Variants in DSC2 observed in about 807,000 individuals in gnomAD.
DSC2 encodes the protein desmocollin-2.
In DSC2, 51 loss-of-function variants were observed where a neutral mutation model predicts 87.6. The ratio of observed to expected loss-of-function variants is 0.58; its 90% CI spans 0.46 to 0.74. The LOEUF (loss-of-function observed/expected upper bound fraction) is 0.74. Ranked by LOEUF, DSC2 falls within the 30% of genes least tolerant of loss-of-function variation. The pLI, the probability that DSC2 is intolerant of heterozygous loss-of-function variation, is 0.00. For synonymous variants in DSC2, 383 were observed against 393.2 expected, an observed-to-expected ratio of 0.97 and a Z score of 0.31; for missense variants, 1,066 against 1,089.5, an observed-to-expected ratio of 0.98 and a Z score of 0.30.
chr18:31,087,276 C>A (rs575705856), intron 6 of DSC2, among the ~76,000 whole-genome samples: 7 of 152,294 alleles, frequency 4.6e-5, no homozygotes, highest in South Asian at 4.1e-4. Context: ...AACATCCGTA[C>A]ATATCTTTAA....
chr18:31,070,628 T>C, intron 14 of DSC2, 98 bp downstream of exon 14: 1 of 1,554,660 alleles, frequency 6.4e-7, no homozygotes. Context: ...AATTGCCTGA[T>C]ACCAAAAGAA....
rs755276378 is a variant in DSC2 at position 31,068,972 on chromosome 18, C to T, written c.2430G>A (p.Arg810=). ...AGTTGTCCACCTCCGTGTGTCCTCC[C>T]CTGCAGGAGTCCAGGGTGTGATGGT... ...AGHHHTLDSC[R]GGHTEVDNCR... The change falls in exon 15 of 16, where the codon AGG becomes AGA. Residue 810 remains arginine (R), a synonymous_variant. Coordinates refer to ENST00000280904, the MANE Select transcript of DSC2 (RefSeq NM_024422.6). The T allele has an allele frequency of 1.7e-5, 27 of 1,613,930 alleles. No homozygotes were observed. The highest frequency in any genetic ancestry group is 2.0e-5 in the Non-Finnish European group (24 of 1,180,006).
chr18:31,095,540 G>T (rs1191154449), intron 1 of DSC2, among the ~76,000 whole-genome samples: 1 of 152,168 alleles, frequency 6.6e-6, no homozygotes. Flanking sequence ...TAAGAGTGGG[G>T]TAATGGTTAC....
intron 14 of DSC2, among the ~76,000 whole-genome samples, chr18:31,069,676 C>CT (rs1331580628): frequency 2.0e-5 from 3 of 149,842 alleles, no homozygotes; most frequent in African/African-American, 7.4e-5. Context: ...GATTGTGCCA[C>CT]TGCACTCCAG....
At chr18:31,084,833 TTGGA>T (rs1342382420) in intron 7 of DSC2, among the ~76,000 whole-genome samples, 2 of 152,082 alleles carry the variant, frequency 1.3e-5, no homozygotes, top group Non-Finnish European at 2.9e-5. Context: ...AATGAGAAGC[TTGGA>T]AAACCTTTAT....
rs138096019 is a variant in DSC2 at position 31,066,975 on chromosome 18, A to G, written c.*1040T>C. On this transcript the variant is annotated 3_prime_UTR_variant, in exon 16 of 16. Coordinates refer to ENST00000280904, the MANE Select transcript of DSC2 (RefSeq NM_024422.6). ...ATATCCACATCCCAATTCTAATTAC[A>G]CCATTCTTGTTGTTAACACAGAGCA... The G allele has an allele frequency of 4.9e-4, 75 of 152,238 alleles. No individual in the cohort carries two copies. Among genetic ancestry groups the G allele is most frequent in the African/African-American group, 1.7e-3 (71 of 41,578 alleles). 9.4% of individuals were successfully genotyped at this position (152,238 alleles called of 1,614,324 possible). A position where few individuals can be genotyped will look rare whatever the true frequency, so the allele number is the denominator to read the frequency against.
chr18:31,070,807 T>C lies in DSC2; in HGVS notation c.2169A>G (p.Lys723=). The C allele has an allele frequency of 6.2e-7, 1 of 1,613,966 alleles. No individual in the cohort carries two copies. The highest frequency in any genetic ancestry group is 8.5e-7 in the Non-Finnish European group (1 of 1,179,888). Residue 723 remains lysine (K), a synonymous_variant, in exon 14 of 16, where the codon AAA becomes AAG. Coordinates refer to ENST00000280904, the MANE Select transcript of DSC2 (RefSeq NM_024422.6). ...AATCATCAGGAATTACTTTTGGTTG[T>C]TTAGACGTCCCAGAAGCCCCACAGA... ...TLVCGASGTS[K]QPKVIPDDLA... is the part of the protein sequence containing the mutation.
At chr18:31,072,820 A>G (rs1986877703) in intron 12 of DSC2, among the ~76,000 whole-genome samples, 1 of 152,170 alleles carries the variant, frequency 6.6e-6, no homozygotes, top group South Asian at 2.1e-4. Flanking sequence ...TTGGGTAAAA[A>G]CACATTGAAT....
rs1022058383 is a variant in DSC2, at chr18:31,067,031, A to G, written c.*984T>C. 1.3e-5 allele frequency: 2 copies of G among 152,142 alleles called. No homozygotes were observed. The highest frequency in any genetic ancestry group is 2.9e-5 in the Non-Finnish European group (2 of 67,996). 9.4% of individuals were successfully genotyped at this position (152,142 alleles called of 1,614,324 possible). A position where few individuals can be genotyped will look rare whatever the true frequency, so the allele number is the denominator to read the frequency against. ...TCTAATAAAAGCATGGCATAGTTCTACAGTTTCAATGGCAAAATTAAAGGT... is the reference window on the plus strand; with the variant it reads ...TCTAATAAAAGCATGGCATAGTTCTGCAGTTTCAATGGCAAAATTAAAGGT... On this transcript the variant is annotated 3_prime_UTR_variant, in exon 16 of 16. Transcript: ENST00000280904.
rs530820479 is a variant in DSC2, at chr18:31,074,993, T to C, written c.1664-86A>G. 26 of 1,345,002 alleles carry C rather than the reference T, an allele frequency of 1.9e-5. No individual in the cohort carries two copies. In the Admixed American group the frequency reaches 4.5e-4, roughly 23 times the overall value. The allele number at this position is 1,345,002 out of a possible 1,614,324, so 83.3% of individuals were successfully genotyped here. A position where few individuals can be genotyped will look rare whatever the true frequency, so the allele number is the denominator to read the frequency against. On this transcript the variant is annotated intron_variant, in intron 11 of 15. Coordinates refer to ENST00000280904, the MANE Select transcript of DSC2 (RefSeq NM_024422.6). ...CACTGAACACATTGAAAAATATTTA[T>C]TAAGCACCTATAATGTAGAAGTTAC...
intron 11 of DSC2, among the ~76,000 whole-genome samples, chr18:31,078,613 A>T (rs1987098992): frequency 6.6e-6 from 1 of 152,086 alleles, no homozygotes; most frequent in African/African-American, 2.4e-5. Flanking sequence ...GCAAAAAGAC[A>T]TGAGAATCTG....
intron 4 of DSC2, among the ~76,000 whole-genome samples, chr18:31,090,253 A>G (rs573036444): frequency 6.6e-6 from 1 of 152,318 alleles, no homozygotes; most frequent in East Asian, 1.9e-4. Context: ...CTCAACTTTA[A>G]TATGCTCTTC....
At chr18:31,071,482 T>A in intron 13 of DSC2, 123 bp downstream of exon 13, 1 of 839,650 alleles carries the variant, frequency 1.2e-6, no homozygotes, top group Non-Finnish European at 2.0e-6. Flanking sequence ...AGAGGCAGAG[T>A]CTGCAGTGAG....
In DSC2 at chr18:31,070,761, C is replaced by G; in HGVS notation, c.2215G>C (p.Val739Leu). 6.2e-7 allele frequency: 1 copy of G among 1,613,920 alleles called. No individual in the cohort carries two copies. Among genetic ancestry groups the G allele is most frequent in the Non-Finnish European group, 8.5e-7 (1 of 1,179,874 alleles). ...TCTCCAGGAGCTTCTGTGTTTGATA[C>G]AATTAGGTTCTGCTGGGCTAAATCA... ...PDDLAQQNLI[V>L]SNTEAPGDDK... The change falls in exon 14 of 16, where the codon GTA (valine) becomes CTA (leucine). Residue 739 changes from valine (V) to leucine (L), a missense_variant. Coordinates refer to ENST00000280904, the MANE Select transcript of DSC2 (RefSeq NM_024422.6).
rs1986578312 is a variant in DSC2, at chr18:31,064,959, T to C, written c.*3056A>G. The C allele has an allele frequency of 6.6e-6, 1 of 152,092 alleles. No individual in the cohort carries two copies. The highest frequency in any genetic ancestry group is 2.4e-5 in the African/African-American group (1 of 41,400). The allele number at this position is 152,092 out of a possible 1,614,324, so 9.4% of individuals were successfully genotyped here. A position where few individuals can be genotyped will look rare whatever the true frequency, so the allele number is the denominator to read the frequency against. On this transcript the variant is annotated 3_prime_UTR_variant, in exon 16 of 16. Transcript: ENST00000280904. ...GATGGGAATAAAGAAAAAGTAATGATTACCAGGAGCCCCCAGACACACACT... is the reference window on the plus strand; with the variant it reads ...GATGGGAATAAAGAAAAAGTAATGACTACCAGGAGCCCCCAGACACACACT...
chr18:31,099,498 A>C (rs1056619154), intron 1 of DSC2, among the ~76,000 whole-genome samples: 2 of 150,184 alleles, frequency 1.3e-5, no homozygotes, highest in African/African-American at 4.9e-5. Context: ...ATCTCATGTT[A>C]TGTCATTTTT....
chr18:31,094,192 G>A (rs1279397782), intron 1 of DSC2, among the ~76,000 whole-genome samples: 3 of 152,160 alleles, frequency 2.0e-5, no homozygotes, highest in African/African-American at 7.2e-5. Context: ...CAAATTTACT[G>A]AGGCAGCAAA....
Position 31,069,096 on chromosome 18 carries a change from C to T in DSC2, c.2306G>A (p.Cys769Tyr), listed in dbSNP as rs1467783080. The stretch of plus-strand genomic sequence containing the variant: ...TTTGATTCCTGATCCCACGGTGCCA[C>T]AAACTCCCTGAGCAGAAGCGCCCAC... ...QTVGASAQGV[C>Y]GTVGSGIKNG... Residue 769 changes from cysteine (C) to tyrosine (Y), a missense_variant, in exon 15 of 16, where the codon TGT becomes TAT. Cys to Tyr is a radical substitution (Grantham distance 194). Transcript: ENST00000280904. 1 of 1,614,140 alleles carries T rather than the reference C, an allele frequency of 6.2e-7. No homozygotes were observed. The highest frequency in any genetic ancestry group is 1.3e-5 in the African/African-American group (1 of 75,042).
At chr18:31,070,999 A>G in intron 13 of DSC2, 149 bp from the exon 14 acceptor site, 1 of 976,468 alleles carries the variant, frequency 1.0e-6, no homozygotes. Flanking sequence ...AAAGCAGTAT[A>G]CAATAGAAAA....
Sources: allele counts gnomAD v4.1 joint callset (sites outside exome capture counted in the v4.1 genomes callset), GRCh38; gene constraint gnomAD v4.1.1; transcripts MANE v1.5; gene names NCBI Gene and HGNC (gene_info 2026-07-23, HGNC 2026-07-21).